Variants in BUD13 observed in about 807,000 individuals in gnomAD.
The protein encoded by BUD13 is BUD13 homolog.
In BUD13, 47 loss-of-function variants were observed where a neutral mutation model predicts 62.5. That is an observed-to-expected ratio of 0.75 (90% CI 0.60 to 0.96). The LOEUF (loss-of-function observed/expected upper bound fraction) is 0.96, where lower values mean the gene tolerates loss of function less well. Ranked by LOEUF, BUD13 falls within the 40% of genes least tolerant of loss-of-function variation. The pLI, the probability that BUD13 is intolerant of heterozygous loss-of-function variation, is 0.00. For synonymous variants in BUD13, 293 were observed against 280.1 expected, an observed-to-expected ratio of 1.05 and a Z score of -0.46; for missense variants, 821 against 790.9, an observed-to-expected ratio of 1.04 and a Z score of -0.46.
rs369075704 is a variant in BUD13, at chr11:116,772,858, T to C, written c.107A>G (p.Lys36Arg). The change falls in exon 1 of 10, where the codon AAA becomes AGA. Residue 36 changes from lysine to arginine, a missense_variant. By Grantham distance (26) the Lys-to-Arg change is conservative. Coordinates refer to ENST00000260210, the MANE Select transcript of BUD13 (RefSeq NM_032725.4). Reference protein sequence around the residue: ...RGSESGRKRRKKRPKPGGAGG... With the variant: ...RGSESGRKRRRKRPKPGGAGG... ...GGCCCCGCCAGGCTTCGGCCGCTTT[T>C]TGCGACGCTTGCGACCGGACTCAGA... is the stretch of plus-strand genomic sequence containing the variant. 261 of 1,588,480 alleles carry C rather than the reference T, an allele frequency of 1.6e-4. No individual in the cohort carries two copies. The highest frequency in any genetic ancestry group is 2.7e-4 in the Admixed American group (16 of 58,236).
intron 3 of BUD13, among the ~76,000 whole-genome samples, 199 bp downstream of exon 3, chr11:116,765,163 G>C (rs990138938): frequency 6.6e-6 from 1 of 152,134 alleles, no homozygotes; most frequent in Admixed American, 6.5e-5. Flanking sequence ...CAAAATATAA[G>C]AGAAAGAGGA....
intron 6 of BUD13, 117 bp from the exon 7 acceptor site, chr11:116,758,524 A>G: frequency 8.9e-7 from 1 of 1,123,768 alleles, no homozygotes; most frequent in Non-Finnish European, 1.2e-6. Context: ...GCCAGACCAA[A>G]GTAGTTCCTA....
At chr11:116,769,508 C>T (rs559034336) in intron 2 of BUD13, among the ~76,000 whole-genome samples, 1 of 152,294 alleles carries the variant, frequency 6.6e-6, no homozygotes, top group Non-Finnish European at 1.5e-5. Flanking sequence ...TGAACCTCAG[C>T]ATTGTTTTTA....
At chr11:116,771,569 A>G (rs1251451425) in intron 1 of BUD13, among the ~76,000 whole-genome samples, 1 of 152,210 alleles carries the variant, frequency 6.6e-6, no homozygotes, top group Non-Finnish European at 1.5e-5. Context: ...ACTGCAGCTC[A>G]GTGAGATGAA....
At chr11:116,752,731 G>A (rs1940259021) in intron 9 of BUD13, among the ~76,000 whole-genome samples, 1 of 152,160 alleles carries the variant, frequency 6.6e-6, no homozygotes, top group African/African-American at 2.4e-5. Context: ...CTACCCTAAA[G>A]ATATCTGCCA....
At position 116,763,212 on chromosome 11, in the gene BUD13, G is replaced by A; in HGVS notation, c.377C>T (p.Ser126Leu). ...ACCATGACGGACCCTCCTAGGAGAT[G>A]AATCCGGGGTATCGTGACGAAAATG... The part of the protein sequence containing the change: ...NRHFRHDTPD[S>L]SPRRVRHGTP... The change falls in exon 4 of 10, where the codon TCA becomes TTA. Residue 126 changes from serine to leucine, a missense_variant. Transcript: ENST00000260210. The A allele has an allele frequency of 2.5e-6, 4 of 1,572,248 alleles. No homozygotes were observed. Among genetic ancestry groups the A allele is most frequent in the Non-Finnish European group, 3.5e-6 (4 of 1,158,852 alleles).
chr11:116,763,084 G>A lies in BUD13; in HGVS notation c.505C>T (p.Arg169Cys), dbSNP rs771386051. Residue 169 changes from arginine (R) to cysteine (C), a missense_variant, in exon 4 of 10, where the codon CGT (arginine) becomes TGT (cysteine). Physicochemically the swap from Arg to Cys is radical, Grantham distance 180. Coordinates refer to ENST00000260210, the MANE Select transcript of BUD13 (RefSeq NM_032725.4). ...GGAGGAGATGTGTCTGAGTCATGAC[G>A]AGCCCCTCTGAGGGGAGAAGGATCC... ...TPDPSPLRGA[R>C]HDSDTSPPRR... 3.2e-6 allele frequency: 5 copies of A among 1,582,432 alleles called. No individual in the cohort carries two copies. In the South Asian group the frequency reaches 3.4e-5, roughly 11 times the overall value.
chr11:116,772,002 C>T (rs1180191385), intron 1 of BUD13, among the ~76,000 whole-genome samples: 1 of 152,228 alleles, frequency 6.6e-6, no homozygotes, highest in East Asian at 1.9e-4. Context: ...CTTTTGGCAA[C>T]ATAAATCCAA....
chr11:116,758,348 T>C lies in BUD13; in HGVS notation c.1420A>G (p.Lys474Glu), dbSNP rs1940369192. ...CTCCTTTGCTCTAAACGTTCGAGTT[T>C]CAAATTCCTCTTACGACCAGACTTA... The part of the protein sequence containing the change: ...RDKSGRKRNL[K>E]LERLEQRRKA... The change falls in exon 7 of 10, where the codon AAA (lysine) becomes GAA (glutamate). Residue 474 changes from lysine to glutamate, a missense_variant. Physicochemically the swap from Lys to Glu is moderately conservative, Grantham distance 56. Coordinates refer to ENST00000260210, the MANE Select transcript of BUD13 (RefSeq NM_032725.4). 6.2e-7 allele frequency: 1 copy of C among 1,614,198 alleles called. No homozygotes were observed. Among genetic ancestry groups the C allele is most frequent in the Non-Finnish European group, 8.5e-7 (1 of 1,180,040 alleles).
In BUD13 at chr11:116,748,599, T is replaced by C. The variant is rs1940179947; in HGVS notation, c.1767-24A>G. 18 of 1,609,082 alleles carry C rather than the reference T, an allele frequency of 1.1e-5. No homozygotes were observed. In the East Asian group the frequency reaches 4.0e-4, roughly 36 times the overall value. Reference sequence around the variant, plus strand: ...ATCTGCAATCAAAAGAGACATACTATTCAGCTAGAACCCTGAAAGGGGCAT... The same window carrying C: ...ATCTGCAATCAAAAGAGACATACTACTCAGCTAGAACCCTGAAAGGGGCAT... On this transcript the variant is annotated intron_variant, in intron 9 of 9. Transcript: ENST00000260210.
intron 9 of BUD13, among the ~76,000 whole-genome samples, chr11:116,749,181 T>C (rs1440953096): frequency 1.3e-5 from 2 of 152,168 alleles, no homozygotes; most frequent in Admixed American, 1.3e-4. Flanking sequence ...TGTCCACATC[T>C]TATATTTTAT....
chr11:116,758,071 G>A, intron 7 of BUD13, 121 bp from the exon 8 acceptor site: 2 of 1,425,428 alleles, frequency 1.4e-6, no homozygotes, highest in South Asian at 2.7e-5. Flanking sequence ...GGCAAATACT[G>A]AGCAGGGTAA....
At chr11:116,768,912 G>A (rs1433355028) in intron 2 of BUD13, among the ~76,000 whole-genome samples, 1 of 151,250 alleles carries the variant, frequency 6.6e-6, no homozygotes, top group Non-Finnish European at 1.5e-5. Context: ...CTACTCAGGA[G>A]GCTGAGGCAG....
chr11:116,757,190 G>A lies in BUD13; in HGVS notation c.1722C>T (p.Asn574=), dbSNP rs1940342081. ...PRYSGPAPPP[N]RFNIWPGYRW... is the part of the protein sequence containing the mutation. ...GATATCCAGGCCAGATATTAAATCT[G>A]TTGGGAGGAGGTGCTGGACCACTGT... is the stretch of plus-strand genomic sequence containing the variant. The change falls in exon 9 of 10, where the codon AAC becomes AAT. Residue 574 remains asparagine, a synonymous_variant. Coordinates refer to ENST00000260210, the MANE Select transcript of BUD13 (RefSeq NM_032725.4). 3 of 1,614,136 alleles carry A rather than the reference G, an allele frequency of 1.9e-6. No homozygotes were observed. Among genetic ancestry groups the A allele is most frequent in the African/African-American group, 2.7e-5 (2 of 74,946 alleles).
At chr11:116,767,649 T>C (rs1395678330) in intron 2 of BUD13, among the ~76,000 whole-genome samples, 1 of 143,728 alleles carries the variant, frequency 7.0e-6, no homozygotes, top group Non-Finnish European at 1.5e-5. Flanking sequence ...TAAATCAGCA[T>C]AGGTTTGCTA....
chr11:116,769,014 C>CAA (rs34626460), intron 2 of BUD13, among the ~76,000 whole-genome samples: 16 of 90,128 alleles, frequency 1.8e-4, no homozygotes, highest in Middle Eastern at 5.3e-3. Flanking sequence ...GACTCCGTCT[C>CAA]AAAAAAAAAA....
At chr11:116,751,172 G>C (rs939708188) in intron 9 of BUD13, among the ~76,000 whole-genome samples, 5 of 152,210 alleles carry the variant, frequency 3.3e-5, no homozygotes, top group South Asian at 2.1e-4. Context: ...CGTTGAAACT[G>C]TCTGTCTTCT....
chr11:116,751,840 C>G (rs971434763), intron 9 of BUD13, among the ~76,000 whole-genome samples: 1 of 152,194 alleles, frequency 6.6e-6, no homozygotes, highest in Non-Finnish European at 1.5e-5. Flanking sequence ...GGAGAACTCA[C>G]AGTGGAAAGA....
Position 116,762,969 on chromosome 11 carries a change from T to C in BUD13, c.620A>G (p.Gln207Arg), listed in dbSNP as rs1430184880. The C allele has an allele frequency of 1.2e-6, 2 of 1,613,440 alleles. No homozygotes were observed. Among genetic ancestry groups the C allele is most frequent in the African/African-American group, 2.7e-5 (2 of 74,714 alleles). Residue 207 changes from glutamine to arginine, a missense_variant, in exon 4 of 10, where the codon CAG becomes CGG. Around this residue, in one of 2 missense-constraint regions of BUD13, gnomAD observed 800 missense variants for 739.2 expected, o/e 1.08. Coordinates refer to ENST00000260210, the MANE Select transcript of BUD13 (RefSeq NM_032725.4). ...SPDPSPPRRP[Q>R]HNSSGASPRR... ...AGGAGATGCACCTGAAGAATTATGC[T>C]GAGGCCTCCTTGGGGGAGAAGGATC...
Sources: allele counts gnomAD v4.1 joint callset (sites outside exome capture counted in the v4.1 genomes callset), GRCh38; gene constraint gnomAD v4.1.1; regional missense constraint gnomAD v4.1.1; transcripts MANE v1.5; gene names NCBI Gene and HGNC (gene_info 2026-07-23, HGNC 2026-07-21).